VCPKMT: variants seen among roughly 807,000 people sequenced by gnomAD.
The protein encoded by VCPKMT is protein N-lysine methyltransferase METTL21D.
Under a neutral mutation model 28.6 loss-of-function variants are expected in VCPKMT, and 32 were observed. The observed-to-expected ratio is 1.12, with a 90% confidence interval of 0.84 to 1.50. VCPKMT has a LOEUF of 1.50. VCPKMT is among the 40% of genes most tolerant of loss of function. The pLI, the probability that VCPKMT is intolerant of heterozygous loss-of-function variation, is 0.00. For missense variants in VCPKMT, 366 were observed against 285.0 expected (o/e 1.28, Z -2.05); for synonymous variants, 138 against 111.4 (o/e 1.24, Z -1.50).
chr14:50,116,464 A>C lies in VCPKMT; in HGVS notation c.89T>G (p.Leu30Arg). ...LEKRDGTVLR[L>R]QQYSSGGVGC... ...CACGCCACCGGAGCTATACTGCTGT[A>C]GTCGTAGCACTGTACCATCCCGCTT... is the stretch of plus-strand genomic sequence containing the variant. The change falls in exon 1 of 6, where the codon CTA (leucine) becomes CGA (arginine). Residue 30 changes from leucine (L) to arginine (R), a missense_variant. Transcript: ENST00000395860. 1.9e-6 allele frequency: 3 copies of C among 1,614,054 alleles called. No homozygotes were observed. Among genetic ancestry groups the C allele is most frequent in the Non-Finnish European group, 2.5e-6 (3 of 1,179,964 alleles).
rs1028599106 is a variant in VCPKMT, at chr14:50,109,569, A to G, written c.*130T>C. On this transcript the variant is annotated 3_prime_UTR_variant, in exon 6 of 6. Transcript: ENST00000395860. ...AGCCCCTGGTGGTCATCATCTATAC[A>G]TCGGATCTCTAAGGACGTGCCGGAA... 97 of 1,419,440 alleles carry G rather than the reference A, an allele frequency of 6.8e-5. No homozygotes were observed. The highest frequency in any genetic ancestry group is 8.5e-5 in the Non-Finnish European group (93 of 1,091,166). 87.9% of individuals were successfully genotyped at this position (1,419,440 alleles called of 1,614,324 possible).
chr14:50,105,648 C>A (rs1882294152), downstream of VCPKMT, among the ~76,000 whole-genome samples: 1 of 152,068 alleles, frequency 6.6e-6, no homozygotes. Context: ...AACAAAACAA[C>A]AAAAAACTAA....
At chr14:50,106,628 G>T (rs1882330822), downstream of VCPKMT, 1 of 985,350 alleles carries the variant, frequency 1.0e-6, no homozygotes, top group Non-Finnish European at 1.2e-6. Flanking sequence ...GCTGCTGGTG[G>T]GTAAACACAA....
At position 50,116,103 on chromosome 14, in the gene VCPKMT, C is replaced by G. The variant is rs1883172435; in HGVS notation, c.343G>C (p.Val115Leu). The change falls in exon 2 of 6, where the codon GTC becomes CTC. Residue 115 changes from valine to leucine, a missense_variant. Val to Leu is a conservative substitution (Grantham distance 32, BLOSUM62 1). Transcript: ENST00000395860. ...ACCTTGGCTTGAACAGAACCAGTGA[C>G]AAGATGCTTGTTCATATTAATATTC... ...KMNINMNKHL[V>L]TGSVQAKVLK... The G allele has an allele frequency of 6.2e-7, 1 of 1,613,748 alleles. No individual in the cohort carries two copies. Among genetic ancestry groups the G allele is most frequent in the Non-Finnish European group, 8.5e-7 (1 of 1,179,846 alleles).
intron 5 of VCPKMT, 45 bp from the exon 6 acceptor site, chr14:50,109,758 A>C: frequency 1.3e-6 from 2 of 1,576,506 alleles, no homozygotes; most frequent in Non-Finnish European, 1.7e-6. Context: ...TTTACCACAA[A>C]CTATTTACTG....
intron 1 of VCPKMT, 54 bp from the exon 2 acceptor site, chr14:50,116,233 G>T: frequency 6.2e-7 from 1 of 1,611,884 alleles, no homozygotes; most frequent in Non-Finnish European, 8.5e-7. Flanking sequence ...CCTGTAATCC[G>T]GATTTCCCCA....
intron 4 of VCPKMT, chr14:50,113,405 A>G (rs1329222884): frequency 2.0e-5 from 3 of 152,214 alleles, no homozygotes; most frequent in Non-Finnish European, 4.4e-5. Context: ...TCATTAAACC[A>G]AAGTAGTCCT....
In VCPKMT at chr14:50,109,798, AATGCCTAGT is replaced by A; in HGVS notation, c.676-94_676-86del. On this transcript the variant is annotated intron_variant, in intron 5 of 5. Coordinates refer to ENST00000395860, the MANE Select transcript of VCPKMT (RefSeq NM_024558.3). ...TTTAATAATGCCTAATATGCCTCAT[AATGCCTAGT>A]ATGCCTAGTATAACAGTGGCTACAT... 4 of 1,464,380 alleles carry A rather than the reference AATGCCTAGT, an allele frequency of 2.7e-6. No individual in the cohort carries two copies. The South Asian group carries it at 3.9e-5, about 14-fold the overall frequency. The allele number at this position is 1,464,380 out of a possible 1,614,324, so 90.7% of individuals were successfully genotyped here. A position where few individuals can be genotyped will look rare whatever the true frequency, so the allele number is the denominator to read the frequency against.
chr14:50,116,090 A>G lies in VCPKMT; in HGVS notation c.356T>C (p.Val119Ala). ...AAACCATTTCAGTACCTTGGCTTGA[A>G]CAGAACCAGTGACAAGATGCTTGTT... Reference protein sequence around the residue: ...NMNKHLVTGSVQAKVLKWGEE... With the variant: ...NMNKHLVTGSAQAKVLKWGEE... The change falls in exon 2 of 6, where the codon GTT becomes GCT. Residue 119 changes from valine (V) to alanine (A), a missense_variant. By Grantham distance (64) the Val-to-Ala change is moderately conservative. Transcript: ENST00000395860. 1 of 1,613,452 alleles carries G rather than the reference A, an allele frequency of 6.2e-7. No homozygotes were observed. The highest frequency in any genetic ancestry group is 1.1e-5 in the South Asian group (1 of 90,978).
At chr14:50,113,810 T>G (rs1385253826) in intron 4 of VCPKMT, among the ~76,000 whole-genome samples, 1,115 of 11,228 alleles carry the variant, frequency 0.099, 36 homozygotes, top group African/African-American at 0.12. Flanking sequence ...GGGGGGGGGG[T>G]GACACTGAGG....
In VCPKMT at chr14:50,116,533, G is replaced by A. The variant is rs1445092493; in HGVS notation, c.20C>T (p.Ser7Phe). The A allele has an allele frequency of 1.9e-6, 3 of 1,612,026 alleles. No individual in the cohort carries two copies. Among genetic ancestry groups the A allele is most frequent in the Non-Finnish European group, 2.5e-6 (3 of 1,179,066 alleles). The change falls in exon 1 of 6, where the codon TCC (serine) becomes TTC (phenylalanine). Residue 7 changes from serine (S) to phenylalanine (F), a missense_variant. Physicochemically the swap from Ser to Phe is radical, Grantham distance 155. Coordinates refer to ENST00000395860, the MANE Select transcript of VCPKMT (RefSeq NM_024558.3). ...GCTCCGCAGTGGGTCCTCCAGCGAG[G>A]ACTCCAGCGTATCCGCCATTGCGCC... MADTLE[S>F]SLEDPLRSFV...
chr14:50,106,556 T>C (rs1270790523), downstream of VCPKMT: 3 of 985,286 alleles, frequency 3.0e-6, no homozygotes, highest in South Asian at 4.7e-5. Flanking sequence ...GCATCTTCAA[T>C]ACCCCTCAGC....
rs759231841 is a variant in VCPKMT, at chr14:50,109,679, G to A, written c.*20C>T. On this transcript the variant is annotated 3_prime_UTR_variant, in exon 6 of 6. Transcript: ENST00000395860. Reference sequence around the variant, plus strand: ...AGTTTACCCAGGTTGTTAGAGCCTTGGGTAAGATGATTAAAGGCTTCACGA... The same window carrying A: ...AGTTTACCCAGGTTGTTAGAGCCTTAGGTAAGATGATTAAAGGCTTCACGA... The A allele has an allele frequency of 1.9e-6, 3 of 1,599,396 alleles. No homozygotes were observed. The highest frequency in any genetic ancestry group is 2.6e-6 in the Non-Finnish European group (3 of 1,173,630).
the VCPKMT span, among the ~76,000 whole-genome samples, chr14:50,103,247 G>A: frequency 6.6e-6 from 1 of 151,146 alleles, no homozygotes; most frequent in Non-Finnish European, 1.5e-5. Context: ...TAAAAGACAT[G>A]GTCAGTTAGC....
Position 50,116,353 on chromosome 14 carries a change from C to T in VCPKMT, c.200G>A (p.Ser67Asn), listed in dbSNP as rs746582225. ...ACCCAGCTCCAGCACCGACCGCCGG[C>T]TCAGCGCGTGGGCCCCGTCGCCAGA... ...EFSGDGAHAL[S>N]RRSVLELGSG... Residue 67 changes from serine to asparagine, a missense_variant, in exon 1 of 6, where the codon AGC (serine) becomes AAC (asparagine). Transcript: ENST00000395860. The T allele has an allele frequency of 5.6e-6, 9 of 1,612,626 alleles. No homozygotes were observed. The highest frequency in any genetic ancestry group is 1.7e-6 in the Non-Finnish European group (2 of 1,179,428).
In VCPKMT at chr14:50,116,480, C is replaced by T; in HGVS notation, c.73G>A (p.Gly25Ser). Residue 25 changes from glycine to serine, a missense_variant, in exon 1 of 6, where the codon GGT becomes AGT. By Grantham distance (56) the Gly-to-Ser change is moderately conservative. Coordinates refer to ENST00000395860, the MANE Select transcript of VCPKMT (RefSeq NM_024558.3). ...SFVRVLEKRD[G>S]TVLRLQQYSS... ...TACTGCTGTAGTCGTAGCACTGTAC[C>T]ATCCCGCTTCTCCAAAACTCGCACA... 1 of 1,614,024 alleles carries T rather than the reference C, an allele frequency of 6.2e-7. No homozygotes were observed. Among genetic ancestry groups the T allele is most frequent in the South Asian group, 1.1e-5 (1 of 91,084 alleles).
chr14:50,106,342 C>T (rs1194817883), downstream of VCPKMT, among the ~76,000 whole-genome samples: 1 of 152,206 alleles, frequency 6.6e-6, no homozygotes, highest in Non-Finnish European at 1.5e-5. Flanking sequence ...CTCCATTGTG[C>T]AGAGGCAACC....
At chr14:50,105,842 T>G (rs887638733), downstream of VCPKMT, among the ~76,000 whole-genome samples, 9 of 152,196 alleles carry the variant, frequency 5.9e-5, no homozygotes, top group African/African-American at 2.2e-4. Context: ...CCTTCCTTCT[T>G]GAGTAGCATC....
At chr14:50,111,253 A>C (rs565132350) in intron 5 of VCPKMT, 39 of 985,166 alleles carry the variant, frequency 4.0e-5, no homozygotes, top group African/African-American at 1.4e-4. Context: ...TCTACTTTTA[A>C]AACTGCACAA....
Sources: allele counts gnomAD v4.1 joint callset (sites outside exome capture counted in the v4.1 genomes callset), GRCh38; gene constraint gnomAD v4.1.1; transcripts MANE v1.5; gene names NCBI Gene and HGNC (gene_info 2026-07-23, HGNC 2026-07-21).